Variants in PHF21A observed in about 807,000 individuals in gnomAD.
PHF21A encodes PHD finger protein 21A.
A neutral mutation model predicts 82.5 loss-of-function variants in PHF21A; 11 were observed. The observed-to-expected ratio is 0.13, with a 90% CI of 0.08 to 0.22. The LOEUF is 0.22. Ranked by LOEUF, PHF21A falls within the 10% of genes least tolerant of loss-of-function variation. PHF21A has a pLI of 1.00. For missense variants in PHF21A, 579 were observed against 837.8 expected (o/e 0.69, Z 3.81); for synonymous variants, 297 against 302.8 (o/e 0.98, Z 0.20).
rs185928547 is a variant in PHF21A, at chr11:46,074,763, A to G, written c.153+1991T>C. ...GGTGATCCACCCACCTTGGCCTCCC[A>G]AAGTGCTGGGATTACAGGCGTGAGC... On this transcript the variant is annotated intron_variant, in intron 6 of 18. Coordinates refer to ENST00000676320, the MANE Select transcript of PHF21A (RefSeq NM_001352027.3). Among the ~76,000 whole-genome samples, 123 of 152,322 alleles carry G rather than the reference A, an allele frequency of 8.1e-4. 1 individual carries two copies. In the East Asian group the frequency reaches 0.023, roughly 28 times the overall value.
At chr11:46,008,805 T>C (rs879563952) in intron 6 of PHF21A, among the ~76,000 whole-genome samples, 1 of 152,118 alleles carries the variant, frequency 6.6e-6, no homozygotes, top group Non-Finnish European at 1.5e-5. Flanking sequence ...AATGCTATGT[T>C]TGCAACTGTA....
At chr11:45,935,099 G>A (rs1161517359) in intron 18 of PHF21A, 1 of 1,288,410 alleles carries the variant, frequency 7.8e-7, no homozygotes, top group South Asian at 1.2e-5. Flanking sequence ...CACTTGGACA[G>A]GCCGGGCTGG....
Position 45,933,985 on chromosome 11 carries a change from C to T in PHF21A, c.2029G>A (p.Gly677Arg). ...SQSCTANCNQ[G>R]EETK ...GGGCTCTGTTATTTAGTCTCTTCCCCCTGGTTACAGTTCGCTGTGCAGCTC... is the reference window on the plus strand; with the variant it reads ...GGGCTCTGTTATTTAGTCTCTTCCCTCTGGTTACAGTTCGCTGTGCAGCTC... Residue 677 changes from glycine to arginine, a missense_variant, in exon 19 of 19, where the codon GGG becomes AGG. By Grantham distance (125) the Gly-to-Arg change is moderately radical. Around this residue, in one of 3 missense-constraint regions of PHF21A, gnomAD observed 157 missense variants for 149.4 expected, o/e 1.05. Transcript: ENST00000676320. 1 of 1,575,026 alleles carries T rather than the reference C, an allele frequency of 6.3e-7. No homozygotes were observed. The highest frequency in any genetic ancestry group is 8.6e-7 in the Non-Finnish European group (1 of 1,162,106).
chr11:46,025,315 C>CAT lies in PHF21A; in HGVS notation c.154-45350_154-45349insAT, dbSNP rs2095718037. The stretch of plus-strand genomic sequence containing the variant: ...CTTCTTTTCTCAAACTTACTATGTC[C>CAT]CTTTCACACAATATGACCAATAGGA... On this transcript the variant is annotated intron_variant, in intron 6 of 18. Transcript: ENST00000676320. Among the ~76,000 whole-genome samples the CAT allele has an allele frequency of 9.2e-5, 14 of 152,228 alleles. No homozygotes were observed. The South Asian group carries it at 2.9e-3, about 32-fold the overall frequency.
intron 6 of PHF21A, among the ~76,000 whole-genome samples, chr11:45,990,335 T>TGCA (rs2094648854): frequency 7.0e-6 from 1 of 142,140 alleles, no homozygotes; most frequent in Admixed American, 7.3e-5. Context: ...CTGGGCTCAC[T>TGCA]GCAGCCTTGA....
intron 11 of PHF21A, among the ~76,000 whole-genome samples, chr11:45,952,840 C>T (rs1351291318): frequency 6.6e-6 from 1 of 152,324 alleles, no homozygotes; most frequent in African/African-American, 2.4e-5. Context: ...CATCATATTA[C>T]CTGTCTACAT....
At chr11:46,116,004 C>G (rs2136134440) in intron 1 of PHF21A, among the ~76,000 whole-genome samples, 1 of 152,156 alleles carries the variant, frequency 6.6e-6, no homozygotes, top group South Asian at 2.1e-4. Context: ...TATTTACTTT[C>G]TAAAGGGGGC....
At chr11:45,984,564 G>A (rs2094431249) in intron 6 of PHF21A, among the ~76,000 whole-genome samples, 2 of 152,194 alleles carry the variant, frequency 1.3e-5, no homozygotes, top group Non-Finnish European at 2.9e-5. Flanking sequence ...AATTTTATAG[G>A]TCTAATACAA....
chr11:46,010,469 C>T (rs1202364429), intron 6 of PHF21A, among the ~76,000 whole-genome samples: 2 of 152,116 alleles, frequency 1.3e-5, no homozygotes, highest in Non-Finnish European at 2.9e-5. Flanking sequence ...AGCCAGAAAC[C>T]AAATCTTTGT....
chr11:46,109,797 C>T (rs1272567830), intron 1 of PHF21A, among the ~76,000 whole-genome samples: 1 of 152,036 alleles, frequency 6.6e-6, no homozygotes, highest in Admixed American at 6.6e-5. Context: ...GTCTACCCAA[C>T]ATGGTGAAAC....
intron 6 of PHF21A, among the ~76,000 whole-genome samples, chr11:46,061,491 G>C (rs2096534324): frequency 6.6e-6 from 1 of 152,086 alleles, no homozygotes; most frequent in Non-Finnish European, 1.5e-5. Flanking sequence ...TATACTTCTT[G>C]TACAACATTT....
At chr11:46,072,595 C>T (rs2096668213) in intron 6 of PHF21A, among the ~76,000 whole-genome samples, 1 of 152,174 alleles carries the variant, frequency 6.6e-6, no homozygotes, top group Admixed American at 6.5e-5. Context: ...TTTGGGTTTT[C>T]AGTCATTCAC....
At chr11:46,053,960 T>C (rs779766024) in intron 6 of PHF21A, among the ~76,000 whole-genome samples, 4 of 152,174 alleles carry the variant, frequency 2.6e-5, no homozygotes, top group Non-Finnish European at 4.4e-5. Context: ...CTGCTAAAAA[T>C]TGGCAGCATC....
intron 4 of PHF21A, among the ~76,000 whole-genome samples, chr11:46,082,647 C>T (rs2135206720): frequency 6.6e-6 from 1 of 151,734 alleles, no homozygotes; most frequent in South Asian, 2.1e-4. Flanking sequence ...GAACTATATC[C>T]CTTTTGAGTC....
chr11:46,003,573 G>A (rs779522234), intron 6 of PHF21A, among the ~76,000 whole-genome samples: 9 of 152,070 alleles, frequency 5.9e-5, no homozygotes, highest in East Asian at 1.9e-4. Context: ...ACATTTTCAC[G>A]AAGGGCAGAG....
chr11:45,946,425 C>A (rs1381992005), intron 14 of PHF21A, among the ~76,000 whole-genome samples: 1 of 152,148 alleles, frequency 6.6e-6, no homozygotes, highest in East Asian at 1.9e-4. Flanking sequence ...GCTCTGTCAC[C>A]CAGGCTGGAG....
chr11:45,943,829 C>T (rs1377735160), intron 15 of PHF21A, among the ~76,000 whole-genome samples: 2 of 152,060 alleles, frequency 1.3e-5, no homozygotes, highest in African/African-American at 4.8e-5. Flanking sequence ...AACACGTGCC[C>T]CCTGCTGTGA....
At chr11:45,992,703 T>G (rs895364506) in intron 6 of PHF21A, among the ~76,000 whole-genome samples, 13 of 152,214 alleles carry the variant, frequency 8.5e-5, no homozygotes, top group African/African-American at 3.1e-4. Context: ...GCAAGTTATA[T>G]GAATGAGTTC....
At chr11:45,959,472 T>A (rs1466150442) in intron 10 of PHF21A, among the ~76,000 whole-genome samples, 3 of 152,208 alleles carry the variant, frequency 2.0e-5, no homozygotes, top group Non-Finnish European at 2.9e-5. Flanking sequence ...AGCTTTCCAC[T>A]TGAGATCAAC....
Sources: gnomAD v4.1 joint callset for allele counts (sites outside exome capture counted in the v4.1 genomes callset) on GRCh38, gnomAD v4.1.1 for gene constraint, gnomAD v4.1.1 regional missense constraint, MANE v1.5 for transcripts, NCBI Gene and HGNC (gene_info 2026-07-23, HGNC 2026-07-21) for gene names.